Variants in HTR7 observed in about 807,000 individuals in gnomAD.
The protein encoded by HTR7 is 5-hydroxytryptamine receptor 7.
A neutral mutation model predicts 34.0 loss-of-function variants in HTR7; 16 were observed. The observed-to-expected ratio is 0.47, with a 90% CI of 0.32 to 0.71. HTR7 has a LOEUF of 0.71. Ranked by LOEUF, HTR7 falls within the 30% of genes least tolerant of loss-of-function variation. The pLI is 0.04. For missense variants in HTR7, 504 were observed against 625.5 expected (o/e 0.81, Z 2.07); for synonymous variants, 265 against 260.2 (o/e 1.02, Z -0.18).
At chr10:90,782,735 A>G (rs1050964089) in intron 1 of HTR7, among the ~76,000 whole-genome samples, 1 of 152,216 alleles carries the variant, frequency 6.6e-6, no homozygotes, top group Non-Finnish European at 1.5e-5. Context: ...GCAAGTGTTC[A>G]TTGACATGTA....
chr10:90,793,615 G>A (rs1314115777), intron 1 of HTR7, among the ~76,000 whole-genome samples: 1 of 151,652 alleles, frequency 6.6e-6, no homozygotes, highest in Non-Finnish European at 1.5e-5. Flanking sequence ...ATTAGTCAGG[G>A]TTCTCTAGAG....
intron 1 of HTR7, among the ~76,000 whole-genome samples, chr10:90,794,958 T>A (rs1845516233): frequency 6.6e-6 from 1 of 152,206 alleles, no homozygotes; most frequent in Non-Finnish European, 1.5e-5. Flanking sequence ...TCCATCATAA[T>A]CTTATGGAAC....
chr10:90,836,028 C>T (rs557691738), intron 1 of HTR7, among the ~76,000 whole-genome samples: 2 of 152,304 alleles, frequency 1.3e-5, no homozygotes, highest in South Asian at 2.1e-4. Flanking sequence ...CCTCCCCATT[C>T]GCTAAAACAT....
At chr10:90,839,043 TA>T (rs766487842) in intron 1 of HTR7, among the ~76,000 whole-genome samples, 2 of 152,114 alleles carry the variant, frequency 1.3e-5, no homozygotes, top group Non-Finnish European at 2.9e-5. Context: ...CAATAAATAT[TA>T]AAAAAGCAAA....
intron 3 of HTR7, 34 bp from the exon 4 acceptor site, chr10:90,742,562 T>C: frequency 2.8e-6 from 4 of 1,421,214 alleles, no homozygotes; most frequent in Non-Finnish European, 3.9e-6. Context: ...AGAAAATAAT[T>C]TAGTAGAACT....
At position 90,749,174 on chromosome 10, in the gene HTR7, C is replaced by A; in HGVS notation, c.960G>T (p.Lys320Asn). The change falls in exon 2 of 4, where the codon AAG becomes AAT. Residue 320 changes from lysine to asparagine, a missense_variant. By Grantham distance (94) the Lys-to-Asn change is moderately conservative. Around this residue, in one of 4 missense-constraint regions of HTR7, gnomAD observed 154 missense variants for 212.1 expected, o/e 0.73. Coordinates refer to ENST00000336152, the MANE Select transcript of HTR7 (RefSeq NM_019859.4). The surrounding 1 kb of genome is among the most constrained non-coding windows in gnomAD (Gnocchi z 4.2). Reference sequence around the variant, plus strand: ...GGGTGGTGGCTGCTTTCTGTTCTCGCTTAAAGATGGAGATGTTTTTCCTTT... The same window carrying A: ...GGGTGGTGGCTGCTTTCTGTTCTCGATTAAAGATGGAGATGTTTTTCCTTT... Reference protein sequence around the residue: ...KHERKNISIFKREQKAATTLG... With the variant: ...KHERKNISIFNREQKAATTLG... 1 of 1,614,132 alleles carries A rather than the reference C, an allele frequency of 6.2e-7. No homozygotes were observed. Among genetic ancestry groups the A allele is most frequent in the Non-Finnish European group, 8.5e-7 (1 of 1,180,008 alleles).
At chr10:90,809,540 C>A (rs1435378100) in intron 1 of HTR7, among the ~76,000 whole-genome samples, 1 of 152,176 alleles carries the variant, frequency 6.6e-6, no homozygotes, top group South Asian at 2.1e-4. Context: ...GATTAATTAA[C>A]CTCGCCTTCA....
At chr10:90,837,606 T>C (rs973003391) in intron 1 of HTR7, among the ~76,000 whole-genome samples, 6 of 152,236 alleles carry the variant, frequency 3.9e-5, no homozygotes, top group African/African-American at 1.4e-4. Context: ...TCCAGAACAC[T>C]GTGCTAAATA....
chr10:90,750,548 G>A (rs1023602344), intron 1 of HTR7, among the ~76,000 whole-genome samples: 6 of 152,092 alleles, frequency 3.9e-5, no homozygotes, highest in African/African-American at 1.4e-4. Context: ...GAGCACTTGA[G>A]AAGCAAAGAC....
At chr10:90,832,323 G>A (rs1160237744) in intron 1 of HTR7, among the ~76,000 whole-genome samples, 4 of 152,228 alleles carry the variant, frequency 2.6e-5, no homozygotes, top group Admixed American at 2.0e-4. Flanking sequence ...GCCCTGCCCC[G>A]AGGAGAGGCA....
rs559867882 is a variant in HTR7, at chr10:90,746,533, G to C, written c.1295+2306C>G. 2.2e-4 allele frequency among the ~76,000 whole-genome samples: 33 copies of C among 152,186 alleles called. No homozygotes were observed. The South Asian group carries it at 3.7e-3, about 17-fold the overall frequency. Reference sequence around the variant, plus strand: ...ACTATTGCCAGAGAGACCTTCCCATGTTACTCCTGAGAACTAAAACCAACA... The same window carrying C: ...ACTATTGCCAGAGAGACCTTCCCATCTTACTCCTGAGAACTAAAACCAACA... On this transcript the variant is annotated intron_variant, in intron 2 of 3. Transcript: ENST00000336152.
chr10:90,801,966 T>G (rs1214818283), intron 1 of HTR7, among the ~76,000 whole-genome samples: 1 of 152,206 alleles, frequency 6.6e-6, no homozygotes, highest in Non-Finnish European at 1.5e-5. Flanking sequence ...AGAAATAGCC[T>G]TTTTTGTTGC....
At chr10:90,830,748 A>G (rs1846155155) in intron 1 of HTR7, among the ~76,000 whole-genome samples, 1 of 149,240 alleles carries the variant, frequency 6.7e-6, no homozygotes, top group Admixed American at 6.8e-5. Flanking sequence ...AGATGGCACC[A>G]CTGCACTCCA....
At chr10:90,757,393 G>A (rs1844848263) in intron 1 of HTR7, among the ~76,000 whole-genome samples, 1 of 152,172 alleles carries the variant, frequency 6.6e-6, no homozygotes. Context: ...CATCTTTCAG[G>A]ACACTGAGCT....
chr10:90,826,565 A>T (rs997964959), intron 1 of HTR7, among the ~76,000 whole-genome samples: 3 of 152,254 alleles, frequency 2.0e-5, no homozygotes, highest in Non-Finnish European at 4.4e-5. Context: ...TAAGATATAA[A>T]TAGAAACAAC....
chr10:90,839,364 TG>T (rs1448244854), intron 1 of HTR7, among the ~76,000 whole-genome samples: 1 of 152,210 alleles, frequency 6.6e-6, no homozygotes, highest in Non-Finnish European at 1.5e-5. Context: ...GATTGGAGCA[TG>T]CCTTTTAAGT....
At chr10:90,821,280 C>T (rs1589466590) in intron 1 of HTR7, among the ~76,000 whole-genome samples, 1 of 152,158 alleles carries the variant, frequency 6.6e-6, no homozygotes, top group Non-Finnish European at 1.5e-5. Flanking sequence ...CATCCCTTCC[C>T]CAACCCCCAG....
intron 1 of HTR7, among the ~76,000 whole-genome samples, chr10:90,849,485 C>T (rs897943346): frequency 3.3e-5 from 5 of 151,984 alleles, no homozygotes; most frequent in Admixed American, 6.5e-5. Flanking sequence ...GGAGTAAACC[C>T]GATGCAGGAA....
chr10:90,808,168 T>C (rs1845732904), intron 1 of HTR7, among the ~76,000 whole-genome samples: 1 of 152,184 alleles, frequency 6.6e-6, no homozygotes, highest in African/African-American at 2.4e-5. Flanking sequence ...GCCTTGGTCC[T>C]TCACCCTTAG....
Sources: gnomAD v4.1 joint callset for allele counts (sites outside exome capture counted in the v4.1 genomes callset) on GRCh38, gnomAD v4.1.1 for gene constraint, gnomAD v4.1.1 regional missense constraint, Gnocchi (gnomAD v3.1) non-coding constraint, MANE v1.5 for transcripts, NCBI Gene and HGNC (gene_info 2026-07-23, HGNC 2026-07-21) for gene names.